The following RAD9B variants were observed in gnomAD, a reference collection of about 807,000 sequenced individuals.
The protein encoded by RAD9B is cell cycle checkpoint control protein RAD9B.
Under a neutral mutation model 48.3 loss-of-function variants are expected in RAD9B, and 41 were observed. The observed-to-expected ratio is 0.85, with a 90% CI of 0.66 to 1.10. RAD9B has a LOEUF of 1.10. Ranked by LOEUF, RAD9B falls within the 50% of genes least tolerant of loss-of-function variation. The pLI, the probability that RAD9B is intolerant of heterozygous loss-of-function variation, is 0.00. For missense variants in RAD9B, 444 were observed against 485.1 expected (o/e 0.92, Z 0.80); for synonymous variants, 160 against 157.9 (o/e 1.01, Z -0.10).
chr12:110,513,728 TTATTATTA>T (rs766536905), intron 5 of RAD9B, among the ~76,000 whole-genome samples: 101 of 142,450 alleles, frequency 7.1e-4, no homozygotes, highest in South Asian at 2.9e-3. Flanking sequence ...ATTATTATTA[TTATTATTA>T]TTTTTGAGAC....
chr12:110,517,790 A>ACACACAC (rs1565891284), intron 6 of RAD9B, among the ~76,000 whole-genome samples: 2 of 151,040 alleles, frequency 1.3e-5, no homozygotes, highest in East Asian at 1.9e-4. Context: ...ACACACACAC[A>ACACACAC]AATAATTATA....
chr12:110,524,496 A>C (rs956564906), intron 10 of RAD9B, among the ~76,000 whole-genome samples: 58 of 152,328 alleles, frequency 3.8e-4, no homozygotes, highest in African/African-American at 1.4e-3. Context: ...CGGGAGGCGG[A>C]GATTGCAGTG....
intron 2 of RAD9B, among the ~76,000 whole-genome samples, chr12:110,504,960 G>C (rs1000770665): frequency 2.0e-5 from 3 of 151,848 alleles, no homozygotes; most frequent in Non-Finnish European, 4.4e-5. Flanking sequence ...GAGCTGCGGT[G>C]GTACCATTGC....
rs2064176820 is a variant in RAD9B, at chr12:110,532,996, G to A, written c.*2343G>A. ...TTTGTAGCTTCCCTCTATACTATACGGAAGGTGCAAAGCCTCAGCTGGGAA... is the reference window on the plus strand; with the variant it reads ...TTTGTAGCTTCCCTCTATACTATACAGAAGGTGCAAAGCCTCAGCTGGGAA... On this transcript the variant is annotated 3_prime_UTR_variant, in exon 11 of 11. Transcript: ENST00000409300. Among the ~76,000 whole-genome samples, 3 of 152,126 alleles carry A rather than the reference G, an allele frequency of 2.0e-5. No homozygotes were observed. The highest frequency in any genetic ancestry group is 2.0e-4 in the Admixed American group (3 of 15,270).
chr12:110,524,488 G>C (rs923745428), intron 10 of RAD9B, among the ~76,000 whole-genome samples: 2 of 152,178 alleles, frequency 1.3e-5, no homozygotes, highest in Non-Finnish European at 2.9e-5. Flanking sequence ...CTTGAATCCG[G>C]GAGGCGGAGA....
chr12:110,505,575 A>G (rs1222720934), intron 2 of RAD9B, 42 bp from the exon 3 acceptor site: 15 of 1,488,738 alleles, frequency 1.0e-5, no homozygotes, highest in Middle Eastern at 1.7e-4. Flanking sequence ...GGGAGCCACC[A>G]TGCGCAACCT....
At position 110,505,696 on chromosome 12, in the gene RAD9B, A is replaced by G; in HGVS notation, c.197A>G (p.Gln66Arg). ...TCTCCTGTGTTTTTTCAGCATTATC[A>G]ATGGTCAGCTTTAGTGAAAATGAGT... ...LFSPVFFQHY[Q>R]WSALVKMSEN... is the part of the protein sequence containing the mutation. Residue 66 changes from glutamine (Q) to arginine (R), a missense_variant, in exon 3 of 11, where the codon CAA becomes CGA. By Grantham distance (43) the Gln-to-Arg change is conservative. Transcript: ENST00000409300. 1.2e-6 allele frequency: 2 copies of G among 1,603,948 alleles called. No homozygotes were observed. Among genetic ancestry groups the G allele is most frequent in the Non-Finnish European group, 1.7e-6 (2 of 1,174,664 alleles).
chr12:110,505,688 G>T lies in RAD9B; in HGVS notation c.189G>T (p.Gln63His), dbSNP rs1163929921. 1.9e-6 allele frequency: 3 copies of T among 1,599,164 alleles called. No individual in the cohort carries two copies. Among genetic ancestry groups the T allele is most frequent in the Non-Finnish European group, 2.6e-6 (3 of 1,172,216 alleles). ...TCCTGTTCTCTCCTGTGTTTTTTCAGCATTATCAATGGTCAGCTTTAGTGA... is the reference window on the plus strand; with the variant it reads ...TCCTGTTCTCTCCTGTGTTTTTTCATCATTATCAATGGTCAGCTTTAGTGA... ...GCVLFSPVFF[Q>H]HYQWSALVKM... Residue 63 changes from glutamine to histidine, a missense_variant, in exon 3 of 11, where the codon CAG (glutamine) becomes CAT (histidine). Transcript: ENST00000409300.
chr12:110,519,671 G>C, intron 8 of RAD9B, 123 bp from the exon 9 acceptor site: 3 of 1,062,886 alleles, frequency 2.8e-6, no homozygotes, highest in South Asian at 3.6e-5. Flanking sequence ...CGCAACCTCA[G>C]ATGATCCACC....
At chr12:110,524,983 T>G (rs2063890868) in intron 10 of RAD9B, among the ~76,000 whole-genome samples, 2 of 152,066 alleles carry the variant, frequency 1.3e-5, no homozygotes, top group Non-Finnish European at 2.9e-5. Flanking sequence ...AAGACTTTCT[T>G]CTTTTTATTT....
Position 110,531,521 on chromosome 12 carries a change from A to G in RAD9B, c.*868A>G. 1 of 1,314,016 alleles carries G rather than the reference A, an allele frequency of 7.6e-7. No homozygotes were observed. 81.4% of individuals were successfully genotyped at this position (1,314,016 alleles called of 1,614,324 possible). On this transcript the variant is annotated 3_prime_UTR_variant, in exon 11 of 11. Coordinates refer to ENST00000409300, the MANE Select transcript of RAD9B (RefSeq NM_001286535.2). Reference sequence around the variant, plus strand: ...GTGTTTTTACATATTGTAAAATTTTATTTCCTAACCTCAAATTGTTCTGAT... The same window carrying G: ...GTGTTTTTACATATTGTAAAATTTTGTTTCCTAACCTCAAATTGTTCTGAT...
intron 6 of RAD9B, among the ~76,000 whole-genome samples, chr12:110,517,791 A>C (rs1036285808): frequency 4.8e-5 from 5 of 105,178 alleles, no homozygotes; most frequent in Non-Finnish European, 6.5e-5. Flanking sequence ...CACACACACA[A>C]ATAATTATAA....
At chr12:110,518,644 T>C in intron 6 of RAD9B, 32 bp from the exon 7 acceptor site, 1 of 1,448,514 alleles carries the variant, frequency 6.9e-7, no homozygotes, top group Non-Finnish European at 9.4e-7. Flanking sequence ...TGGAACTAAT[T>C]TTATTCTTTA....
At chr12:110,507,138 G>C (rs1250081070) in intron 4 of RAD9B, among the ~76,000 whole-genome samples, 1 of 151,816 alleles carries the variant, frequency 6.6e-6, no homozygotes, top group Non-Finnish European at 1.5e-5. Flanking sequence ...CCTGGCCTGA[G>C]CCAGGCATGA....
rs940670577 is a variant in RAD9B, at chr12:110,503,688, G to C, written c.47-118G>C. ...TATTAAAGTAATGTAGCATTAGTCT[G>C]TAAGATACTGTTATTTTTGAATTTC... On this transcript the variant is annotated intron_variant, in intron 1 of 10. Coordinates refer to ENST00000409300, the MANE Select transcript of RAD9B (RefSeq NM_001286535.2). 2.0e-5 allele frequency: 15 copies of C among 733,114 alleles called. No homozygotes were observed. In the African/African-American group the frequency reaches 2.5e-4, roughly 12 times the overall value. 45.4% of individuals were successfully genotyped at this position (733,114 alleles called of 1,614,324 possible).
intron 8 of RAD9B, among the ~76,000 whole-genome samples, chr12:110,519,409 T>TTTGTTGTTG (rs200200978): frequency 5.1e-4 from 60 of 116,784 alleles, no homozygotes; most frequent in African/African-American, 2.3e-3. Flanking sequence ...CGGCCTACTG[T>TTTGTTGTTG]TTGTTGTTGT....
intron 6 of RAD9B, among the ~76,000 whole-genome samples, chr12:110,515,783 T>A (rs550284063): frequency 1.3e-4 from 20 of 152,296 alleles, no homozygotes; most frequent in African/African-American, 4.8e-4. Context: ...AAAGAACTAT[T>A]ATTTTAAAGT....
At chr12:110,513,692 ATATTATTAT>A (rs147828355) in intron 5 of RAD9B, among the ~76,000 whole-genome samples, 27,456 of 140,374 alleles carry the variant, frequency 0.2, 3,247 homozygotes, top group East Asian at 0.57. Context: ...TATTGTTTTT[ATATTATTAT>A]TATTATTATT....
Position 110,531,108 on chromosome 12 carries a change from C to T in RAD9B, c.*455C>T, listed in dbSNP as rs554914476. 3.0e-6 allele frequency: 3 copies of T among 993,862 alleles called. No homozygotes were observed. Among genetic ancestry groups the T allele is most frequent in the African/African-American group, 3.5e-5 (2 of 57,390 alleles). The allele number at this position is 993,862 out of a possible 1,614,324, so 61.6% of individuals were successfully genotyped here. ...TTAGTTTTCTCATGTAATACCATGGCCTTTTTTGTGCATTGTTTTTTATAT... is the reference window on the plus strand; with the variant it reads ...TTAGTTTTCTCATGTAATACCATGGTCTTTTTTGTGCATTGTTTTTTATAT... On this transcript the variant is annotated 3_prime_UTR_variant, in exon 11 of 11. Coordinates refer to ENST00000409300, the MANE Select transcript of RAD9B (RefSeq NM_001286535.2).
Sources: allele counts gnomAD v4.1 joint callset (sites outside exome capture counted in the v4.1 genomes callset), GRCh38; gene constraint gnomAD v4.1.1; transcripts MANE v1.5; gene names NCBI Gene and HGNC (gene_info 2026-07-23, HGNC 2026-07-21).